The following DNAJC17 variants were observed in gnomAD, a reference collection of about 807,000 sequenced individuals.
DNAJC17 encodes dnaJ homolog subfamily C member 17.
In DNAJC17, 35 loss-of-function variants were observed where a neutral mutation model predicts 48.1. That is an observed-to-expected ratio of 0.73 (90% confidence interval 0.56 to 0.96). DNAJC17 has a LOEUF of 0.96. DNAJC17 is among the 50% of genes least tolerant of loss of function. The pLI, the probability that DNAJC17 is intolerant of heterozygous loss-of-function variation, is 0.00. For missense variants in DNAJC17, 355 were observed against 377.1 expected (o/e 0.94, Z 0.48); for synonymous variants, 117 against 142.7 (o/e 0.82, Z 1.28).
At chr15:40,798,702 G>A (rs1345698994) in intron 1 of DNAJC17, among the ~76,000 whole-genome samples, 1 of 152,116 alleles carries the variant, frequency 6.6e-6, no homozygotes, top group Non-Finnish European at 1.5e-5. Flanking sequence ...GTGACCAGAG[G>A]TGACAAAATC....
chr15:40,784,582 A>G (rs1214341012), intron 1 of DNAJC17, among the ~76,000 whole-genome samples: 5 of 152,190 alleles, frequency 3.3e-5, no homozygotes, highest in African/African-American at 9.7e-5. Context: ...AATCCATTCA[A>G]TGAAAAGCCA....
At chr15:40,784,428 G>A (rs2141954798) in intron 1 of DNAJC17, among the ~76,000 whole-genome samples, 1 of 152,142 alleles carries the variant, frequency 6.6e-6, no homozygotes, top group South Asian at 2.1e-4. Context: ...AATTATTCAA[G>A]CTGAAAAATC....
At chr15:40,783,875 T>A (rs1159211375) in intron 1 of DNAJC17, among the ~76,000 whole-genome samples, 2 of 151,668 alleles carry the variant, frequency 1.3e-5, no homozygotes, top group African/African-American at 4.9e-5. Flanking sequence ...AAAAATAAAA[T>A]AAAAGTTTGT....
At chr15:40,803,223 C>T (rs1890118847) in intron 1 of DNAJC17, among the ~76,000 whole-genome samples, 1 of 151,216 alleles carries the variant, frequency 6.6e-6, no homozygotes, top group Non-Finnish European at 1.5e-5. Flanking sequence ...CTGTAGAGGG[C>T]AAATTGAGAA....
chr15:40,774,954 T>C lies in DNAJC17; in HGVS notation c.600+77A>G, dbSNP rs547291106. 141 of 1,475,128 alleles carry C rather than the reference T, an allele frequency of 9.6e-5. 4 individuals carry two copies. In the South Asian group the frequency reaches 1.6e-3, roughly 17 times the overall value. The allele number at this position is 1,475,128 out of a possible 1,614,324, so 91.4% of individuals were successfully genotyped here. On this transcript the variant is annotated intron_variant, in intron 8 of 10. Coordinates refer to ENST00000220496, the MANE Select transcript of DNAJC17 (RefSeq NM_018163.3). ...AGATATGTTAAGGGAAGTTCAGGCA[T>C]TGAGAGCAGAGACCTAGGGTGTGGA...
Position 40,770,586 on chromosome 15 carries a change from A to AGT in DNAJC17, c.793-2526_793-2525dup. 4.5e-6 allele frequency: 7 copies of AGT among 1,550,662 alleles called. No homozygotes were observed. Among genetic ancestry groups the AGT allele is most frequent in the Non-Finnish European group, 6.1e-6 (7 of 1,146,956 alleles). ...GCCACGGCGGCTCCGGCGACAGAGT[A>AGT]GTGTGCTTAGCCAGGCCAGCACAGC... On this transcript the variant is annotated intron_variant, in intron 10 of 10. Transcript: ENST00000220496. This position sits in a 1 kb window ranked among gnomAD's most constrained non-coding sequence, Gnocchi z 5.0.
At position 40,770,570 on chromosome 15, in the gene DNAJC17, G is replaced by A. The variant is rs1276462195; in HGVS notation, c.793-2508C>T. ...AGCTGAGCCTGGGGCGGCCACGGCG[G>A]CTCCGGCGACAGAGTAGTGTGCTTA... is the stretch of plus-strand genomic sequence containing the variant. On this transcript the variant is annotated intron_variant, in intron 10 of 10. Coordinates refer to ENST00000220496, the MANE Select transcript of DNAJC17 (RefSeq NM_018163.3). This position sits in a 1 kb window ranked among gnomAD's most constrained non-coding sequence, Gnocchi z 5.0. 7 of 1,550,662 alleles carry A rather than the reference G, an allele frequency of 4.5e-6. No homozygotes were observed. The highest frequency in any genetic ancestry group is 6.1e-6 in the Non-Finnish European group (7 of 1,146,976).
Position 40,770,582 on chromosome 15 carries a change from G to C in DNAJC17, c.793-2520C>G. 6.4e-7 allele frequency: 1 copy of C among 1,550,688 alleles called. No homozygotes were observed. The highest frequency in any genetic ancestry group is 8.7e-7 in the Non-Finnish European group (1 of 1,146,976). Reference sequence around the variant, plus strand: ...GGCGGCCACGGCGGCTCCGGCGACAGAGTAGTGTGCTTAGCCAGGCCAGCA... The same window carrying C: ...GGCGGCCACGGCGGCTCCGGCGACACAGTAGTGTGCTTAGCCAGGCCAGCA... On this transcript the variant is annotated intron_variant, in intron 10 of 10. Coordinates refer to ENST00000220496, the MANE Select transcript of DNAJC17 (RefSeq NM_018163.3). The surrounding 1 kb of genome is among the most constrained non-coding windows in gnomAD (Gnocchi z 5.0).
chr15:40,801,753 A>AG (rs1486406424), intron 1 of DNAJC17, among the ~76,000 whole-genome samples: 5 of 152,028 alleles, frequency 3.3e-5, no homozygotes, highest in East Asian at 1.9e-4. Flanking sequence ...AAAAAAAAAA[A>AG]AAAAGAAAAG....
chr15:40,796,045 A>C (rs1889933839), intron 1 of DNAJC17, among the ~76,000 whole-genome samples: 1 of 152,230 alleles, frequency 6.6e-6, no homozygotes, highest in Non-Finnish European at 1.5e-5. Context: ...ACCTTTCTGA[A>C]ATGCAATTCT....
rs555728372 is a variant in DNAJC17 at position 40,797,280 on chromosome 15, C to T, written c.78+10089G>A. Among the ~76,000 whole-genome samples the T allele has an allele frequency of 4.7e-4, 72 of 152,262 alleles. 1 individual carries two copies. The highest frequency in any genetic ancestry group is 1.6e-3 in the African/African-American group (66 of 41,564). On this transcript the variant is annotated intron_variant, in intron 1 of 10. Coordinates refer to ENST00000220496, the MANE Select transcript of DNAJC17 (RefSeq NM_018163.3). The stretch of plus-strand genomic sequence containing the variant: ...AGCTACTCAGGAGACTGAAGTGGGA[C>T]GACTGCTTGGGCCCAGGAGGTTGAG...
chr15:40,801,737 CAAAAA>C (rs1048222450), intron 1 of DNAJC17, among the ~76,000 whole-genome samples: 2 of 63,844 alleles, frequency 3.1e-5, no homozygotes, highest in Non-Finnish European at 3.5e-5. Flanking sequence ...GACTCCGTCT[CAAAAA>C]AAAAAAAAAA....
chr15:40,776,203 C>G lies in DNAJC17; in HGVS notation c.471G>C (p.Arg157Ser). Reference protein sequence around the residue: ...REQIRQERDQRLRGKAENTEG... With the variant: ...REQIRQERDQSLRGKAENTEG... ...GGGGTGATAGACCTGCACCTCTCAA[C>G]CTCTGGTCACGCTCCTGGCGTATCT... The change falls in exon 6 of 11, where the codon AGG (arginine) becomes AGC (serine). Residue 157 changes from arginine (R) to serine (S), a missense_variant. Transcript: ENST00000220496. 2 of 1,613,682 alleles carry G rather than the reference C, an allele frequency of 1.2e-6. No homozygotes were observed. Among genetic ancestry groups the G allele is most frequent in the Non-Finnish European group, 1.7e-6 (2 of 1,179,996 alleles).
chr15:40,807,368 C>G lies in DNAJC17; in HGVS notation c.78+1G>C. The G allele has an allele frequency of 6.2e-7, 1 of 1,614,282 alleles. No homozygotes were observed. Reference sequence around the variant, plus strand: ...TCAGCCTTCCTCGCCACCGTTCTCACCTCTTTGTCCGCTGCCTTCTCCTCA... The same window carrying G: ...TCAGCCTTCCTCGCCACCGTTCTCAGCTCTTTGTCCGCTGCCTTCTCCTCA... On this transcript the variant is annotated splice_donor_variant, in intron 1 of 10. Coordinates refer to ENST00000220496, the MANE Select transcript of DNAJC17 (RefSeq NM_018163.3). LOFTEE classifies it high-confidence loss of function.
Position 40,776,272 on chromosome 15 carries a change from C to T in DNAJC17, c.402G>A (p.Glu134=). 1 of 1,614,180 alleles carries T rather than the reference C, an allele frequency of 6.2e-7. No homozygotes were observed. The change falls in exon 6 of 11, where the codon GAG becomes GAA. Residue 134 remains glutamate, a synonymous_variant. Coordinates refer to ENST00000220496, the MANE Select transcript of DNAJC17 (RefSeq NM_018163.3). ...GCTGTTCCTCCAGCTGCCGGGAACC[C>T]TCTTCTCTCAGGCGTTCGATCTGCA... is the stretch of plus-strand genomic sequence containing the variant. ...LEQEIERLRE[E]GSRQLEEQQR...
In DNAJC17 at chr15:40,768,023, T is replaced by C. The variant is rs140603715; in HGVS notation, c.832A>G (p.Met278Val). ...LSERDYESLVMMRMRQAAERQ... is the reference protein window; with the variant it reads ...LSERDYESLVVMRMRQAAERQ... Reference sequence around the variant, plus strand: ...TCGGCCGCCTGGCGCATGCGCATCATGACGAGGCTCTCGTAGTCCCTCTCT... The same window carrying C: ...TCGGCCGCCTGGCGCATGCGCATCACGACGAGGCTCTCGTAGTCCCTCTCT... The change falls in exon 11 of 11, where the codon ATG becomes GTG. Residue 278 changes from methionine (M) to valine (V), a missense_variant. Met to Val is a conservative substitution (Grantham distance 21). This residue lies in a region of DNAJC17 where 88 missense variants were observed against 67.7 expected (regional missense o/e 1.30). Coordinates refer to ENST00000220496, the MANE Select transcript of DNAJC17 (RefSeq NM_018163.3). 4,055 of 1,598,502 alleles carry C rather than the reference T, an allele frequency of 2.5e-3. 11 individuals are homozygous for C. Among genetic ancestry groups the C allele is most frequent in the Non-Finnish European group, 3.2e-3 (3,755 of 1,174,608 alleles).
At chr15:40,780,375 A>C (rs1301561146) in intron 1 of DNAJC17, 1 of 467,292 alleles carries the variant, frequency 2.1e-6, no homozygotes, top group Non-Finnish European at 4.3e-6. Context: ...TCAGCCATCA[A>C]AATTTAAAAT....
At chr15:40,773,940 A>G (rs1889239848) in intron 9 of DNAJC17, 103 bp from the exon 10 acceptor site, 2 of 1,023,034 alleles carry the variant, frequency 2.0e-6, no homozygotes, top group Middle Eastern at 2.1e-4. Flanking sequence ...TAGCCCTCTA[A>G]GCAGAGATGC....
chr15:40,802,397 G>C (rs1890099037), intron 1 of DNAJC17, among the ~76,000 whole-genome samples: 1 of 152,074 alleles, frequency 6.6e-6, no homozygotes, highest in Non-Finnish European at 1.5e-5. Flanking sequence ...TAAAACTCCT[G>C]ACCTCAGGTG....
Sources: allele counts gnomAD v4.1 joint callset (sites outside exome capture counted in the v4.1 genomes callset), GRCh38; gene constraint gnomAD v4.1.1; regional missense constraint gnomAD v4.1.1; non-coding constraint Gnocchi (gnomAD v3.1); transcripts MANE v1.5; gene names NCBI Gene and HGNC (gene_info 2026-07-23, HGNC 2026-07-21).